Variants in WASHC5 observed in about 807,000 individuals in gnomAD.
WASHC5 encodes the protein WASH complex subunit strumpellin.
Under a neutral mutation model 150.4 loss-of-function variants are expected in WASHC5, and 101 were observed. The ratio of observed to expected loss-of-function variants is 0.67; its 90% CI spans 0.57 to 0.79. WASHC5 has a LOEUF of 0.79. Among genes scored for constraint, WASHC5 ranks in the 30% least tolerant of loss-of-function variants. The pLI, the probability that WASHC5 is intolerant of heterozygous loss-of-function variation, is 0.00. For synonymous variants in WASHC5, 467 were observed against 491.2 expected, an observed-to-expected ratio of 0.95 and a Z score of 0.65; for missense variants, 1,195 against 1,396.3, an observed-to-expected ratio of 0.86 and a Z score of 2.30.
At chr8:125,026,029 T>A (rs866681216) in intron 28 of WASHC5, among the ~76,000 whole-genome samples, 11 of 152,188 alleles carry the variant, frequency 7.2e-5, no homozygotes, top group Non-Finnish European at 1.5e-4. Flanking sequence ...AATGTTTTTT[T>A]AAAATAGATA....
intron 1 of WASHC5, among the ~76,000 whole-genome samples, chr8:125,086,400 A>G (rs763696580): frequency 5.3e-5 from 8 of 152,112 alleles, no homozygotes; most frequent in Admixed American, 1.3e-4. Context: ...TCAGCCTCCC[A>G]AAGTGCTGAG....
At chr8:125,084,090 C>T (rs1817350935) in intron 1 of WASHC5, 68 bp from the exon 2 acceptor site, 1 of 590,672 alleles carries the variant, frequency 1.7e-6, no homozygotes, top group Non-Finnish European at 3.0e-6. Context: ...ACATAAGAAA[C>T]ACATTTTTCT....
chr8:125,046,740 CA>C (rs201718665), intron 20 of WASHC5, among the ~76,000 whole-genome samples: 3,794 of 152,010 alleles, frequency 0.025, 152 homozygotes, highest in African/African-American at 0.087. Context: ...TTGTTGCTAT[CA>C]AAAGTGCTTG....
chr8:125,059,388 T>C lies in WASHC5; in HGVS notation c.1676A>G (p.Gln559Arg). The C allele has an allele frequency of 1.9e-6, 3 of 1,614,160 alleles. No homozygotes were observed. The highest frequency in any genetic ancestry group is 1.1e-5 in the South Asian group (1 of 91,082). ...CTGCCTACATTACCTGTCAATCAAC[T>C]GCCAAGCGAAAGAAAGGTCCCCAAC... is the stretch of plus-strand genomic sequence containing the variant. The part of the protein sequence containing the change: ...QIVGDLSFAW[Q>R]LIDSFTSIMQ... The change falls in exon 13 of 29, where the codon CAG becomes CGG. Residue 559 changes from glutamine to arginine, a missense_variant. Transcript: ENST00000318410.
chr8:125,068,146 C>A (rs753634292), intron 9 of WASHC5, among the ~76,000 whole-genome samples: 5 of 152,182 alleles, frequency 3.3e-5, no homozygotes, highest in Non-Finnish European at 5.9e-5. Context: ...ACTGCTATCC[C>A]TAGAGAGGCC....
Position 125,043,856 on chromosome 8 carries a change from A to G in WASHC5, c.2819T>C (p.Ile940Thr), listed in dbSNP as rs952413031. 5 of 1,612,704 alleles carry G rather than the reference A, an allele frequency of 3.1e-6. No homozygotes were observed. In the African/African-American group the frequency reaches 6.7e-5, roughly 22 times the overall value. ...TATAGCCTCGAGATACGCAGTCCAA[A>G]TCTTCTGTGTTTTGGCAATGGCGGA... ...YFSAIAKTQK[I>T]WTAYLEAIMK... The change falls in exon 23 of 29, where the codon ATT (isoleucine) becomes ACT (threonine). Residue 940 changes from isoleucine (I) to threonine (T), a missense_variant. Ile to Thr is a moderately conservative substitution (Grantham distance 89, BLOSUM62 -1). Coordinates refer to ENST00000318410, the MANE Select transcript of WASHC5 (RefSeq NM_014846.4).
At position 125,047,326 on chromosome 8, in the gene WASHC5, T is replaced by C. The variant is rs1816097689; in HGVS notation, c.2385A>G (p.Gln795=). ...TGGACTGGTACATGCTTTGCCAATC[T>C]TGAATCTAGAAAACAAAACCATCAA... ...ECNNFLRTKI[Q]DWQSMYQSTH... is the part of the protein sequence containing the mutation. The change falls in exon 20 of 29, where the codon CAA becomes CAG. Residue 795 remains glutamine, a synonymous_variant. Coordinates refer to ENST00000318410, the MANE Select transcript of WASHC5 (RefSeq NM_014846.4). 2 of 1,613,774 alleles carry C rather than the reference T, an allele frequency of 1.2e-6. No individual in the cohort carries two copies. The highest frequency in any genetic ancestry group is 2.7e-5 in the African/African-American group (2 of 74,922).
intron 28 of WASHC5, among the ~76,000 whole-genome samples, chr8:125,027,584 T>G (rs1248530786): frequency 1.3e-5 from 2 of 152,130 alleles, no homozygotes; most frequent in African/African-American, 4.8e-5. Context: ...CGCAAAGGCA[T>G]AAGAATTATA....
Position 125,083,278 on chromosome 8 carries a change from G to T in WASHC5, c.187-20C>A. 1 of 1,608,264 alleles carries T rather than the reference G, an allele frequency of 6.2e-7. No homozygotes were observed. The highest frequency in any genetic ancestry group is 8.5e-7 in the Non-Finnish European group (1 of 1,175,886). ...TGGACCCTGAGAAAAAAAAACACAT[G>T]TGAAATGTCAATAAAAGCATACTTG... On this transcript the variant is annotated intron_variant, in intron 2 of 28. Transcript: ENST00000318410.
intron 26 of WASHC5, among the ~76,000 whole-genome samples, chr8:125,036,651 G>GAGTACTGAGTACTGAGTGAGTGACTC (rs1815716160): frequency 1.4e-5 from 2 of 143,436 alleles, no homozygotes; most frequent in Admixed American, 6.7e-5. Flanking sequence ...CCATCTGAGT[G>GAGTACTGAGTACTGAGTGAGTGACTC]ACTGAGTGAG....
chr8:125,073,008 A>G (rs2130163986), intron 9 of WASHC5, 145 bp downstream of exon 9: 1 of 824,576 alleles, frequency 1.2e-6, no homozygotes, highest in East Asian at 2.6e-5. Flanking sequence ...ATCCAAGTTG[A>G]CAAAAAATGA....
Position 125,039,573 on chromosome 8 carries a change from C to T in WASHC5, c.2954+222G>A, listed in dbSNP as rs542087075. Reference sequence around the variant, plus strand: ...GATCAGTACCTGTCTGCTGAATACACGAATCCATTAGAGAGAGTGAGTGAG... The same window carrying T: ...GATCAGTACCTGTCTGCTGAATACATGAATCCATTAGAGAGAGTGAGTGAG... On this transcript the variant is annotated intron_variant, in intron 24 of 28. Transcript: ENST00000318410. Among the ~76,000 whole-genome samples, 8 of 152,140 alleles carry T rather than the reference C, an allele frequency of 5.3e-5. No individual in the cohort carries two copies. The East Asian group carries it at 1.4e-3, about 26-fold the overall frequency.
chr8:125,085,687 T>C (rs1298084248), intron 1 of WASHC5, among the ~76,000 whole-genome samples: 1 of 152,144 alleles, frequency 6.6e-6, no homozygotes, highest in African/African-American at 2.4e-5. Context: ...TCCTGACCCA[T>C]CCCTTTCCTT....
chr8:125,061,236 C>A (rs756238720), intron 11 of WASHC5, 42 bp from the exon 12 acceptor site: 2 of 1,065,526 alleles, frequency 1.9e-6, no homozygotes, highest in East Asian at 2.4e-5. Flanking sequence ...TCCTCGAATT[C>A]CTGTAGCTGT....
chr8:125,047,545 C>T (rs997664152), intron 19 of WASHC5, among the ~76,000 whole-genome samples: 1 of 151,816 alleles, frequency 6.6e-6, no homozygotes, highest in Non-Finnish European at 1.5e-5. Flanking sequence ...GCAAGCGATT[C>T]TTTTGCCTCA....
chr8:125,034,562 A>G (rs1396009026), intron 26 of WASHC5, among the ~76,000 whole-genome samples: 1 of 152,106 alleles, frequency 6.6e-6, no homozygotes, highest in Non-Finnish European at 1.5e-5. Flanking sequence ...AATGGCGAGG[A>G]TGTGGACTAC....
At chr8:125,074,872 T>C (rs1306973776) in intron 8 of WASHC5, 126 bp downstream of exon 8, 1 of 721,106 alleles carries the variant, frequency 1.4e-6, no homozygotes, top group African/African-American at 1.8e-5. Context: ...TCACCTTTTA[T>C]TAATCATTGC....
In WASHC5 at chr8:125,052,024, G is replaced by T. The variant is rs191456342; in HGVS notation, c.2098-1359C>A. On this transcript the variant is annotated intron_variant, in intron 17 of 28. Coordinates refer to ENST00000318410, the MANE Select transcript of WASHC5 (RefSeq NM_014846.4). ...GAGATGAGGTCAGGGTGCATGAGGG[G>T]GCTTTCAGGAGTGGGGCTCACTAAA... Among the ~76,000 whole-genome samples, 694 of 152,288 alleles carry T rather than the reference G, an allele frequency of 4.6e-3. 21 individuals are homozygous for T. Among genetic ancestry groups the T allele is most frequent in the Admixed American group, 0.029 (440 of 15,298 alleles).
chr8:125,031,355 C>T (rs1007988646), intron 27 of WASHC5, among the ~76,000 whole-genome samples: 4 of 152,086 alleles, frequency 2.6e-5, no homozygotes, highest in Non-Finnish European at 5.9e-5. Flanking sequence ...GCTCACTGCA[C>T]CTCTGAGGCC....
Sources: allele counts gnomAD v4.1 joint callset (sites outside exome capture counted in the v4.1 genomes callset), GRCh38; gene constraint gnomAD v4.1.1; transcripts MANE v1.5; gene names NCBI Gene and HGNC (gene_info 2026-07-23, HGNC 2026-07-21).